FBXW8: variants seen among roughly 807,000 people sequenced by gnomAD.
The protein encoded by FBXW8 is F-box/WD repeat-containing protein 8.
Under a neutral mutation model 65.3 loss-of-function variants are expected in FBXW8, and 57 were observed. That is an observed-to-expected ratio of 0.87 (90% CI 0.71 to 1.09). The LOEUF (loss-of-function observed/expected upper bound fraction) is 1.09. Among genes scored for constraint, FBXW8 ranks in the 50% least tolerant of loss-of-function variants. The pLI, the probability that FBXW8 is intolerant of heterozygous loss-of-function variation, is 0.00. For missense variants in FBXW8, 777 were observed against 814.8 expected (o/e 0.95, Z 0.57); for synonymous variants, 308 against 330.2 (o/e 0.93, Z 0.73).
chr12:116,971,856 G>A (rs1446613257), intron 5 of FBXW8, among the ~76,000 whole-genome samples: 1 of 152,152 alleles, frequency 6.6e-6, no homozygotes, highest in Non-Finnish European at 1.5e-5. Context: ...TATTGACCTT[G>A]TCATGAATTG....
At chr12:116,976,268 G>A (rs1315725537) in intron 5 of FBXW8, among the ~76,000 whole-genome samples, 1 of 151,938 alleles carries the variant, frequency 6.6e-6, no homozygotes, top group Non-Finnish European at 1.5e-5. Flanking sequence ...CCTGAGATTA[G>A]ATGGTACCCT....
Position 117,005,443 on chromosome 12 carries a change from A to C in FBXW8, c.1240-4880A>C, listed in dbSNP as rs763344661. ...GGAACCTTAGAGTTAGGAACCTTAGAGTTGAAACCTAGGAGAGTGTTACAA... is the reference window on the plus strand; with the variant it reads ...GGAACCTTAGAGTTAGGAACCTTAGCGTTGAAACCTAGGAGAGTGTTACAA... On this transcript the variant is annotated intron_variant, in intron 7 of 10. Coordinates refer to ENST00000652555, the MANE Select transcript of FBXW8 (RefSeq NM_153348.3). Among the ~76,000 whole-genome samples the C allele has an allele frequency of 5.6e-4, 85 of 152,304 alleles. 1 individual carries two copies. Among genetic ancestry groups the C allele is most frequent in the Middle Eastern group, 6.8e-3 (2 of 294 alleles).
chr12:116,915,670 G>T (rs1186238572), intron 1 of FBXW8, among the ~76,000 whole-genome samples: 1 of 79,056 alleles, frequency 1.3e-5, no homozygotes, highest in Non-Finnish European at 2.3e-5. Flanking sequence ...TTTTTTTTTG[G>T]GAGATAGAGT....
chr12:117,027,533 A>G (rs755236487), intron 10 of FBXW8, 29 bp downstream of exon 10: 1 of 1,570,342 alleles, frequency 6.4e-7, no homozygotes, highest in Non-Finnish European at 8.8e-7. Flanking sequence ...CGAGTAAGAG[A>G]CCATCTTAGT....
chr12:116,944,417 GTC>G (rs1284557834), intron 2 of FBXW8, among the ~76,000 whole-genome samples: 1 of 151,996 alleles, frequency 6.6e-6, no homozygotes, highest in East Asian at 1.9e-4. Flanking sequence ...CCTTCTTTCC[GTC>G]TCTGTCTTTG....
intron 2 of FBXW8, among the ~76,000 whole-genome samples, chr12:116,932,951 C>T (rs1881887065): frequency 6.6e-6 from 1 of 152,026 alleles, no homozygotes; most frequent in Non-Finnish European, 1.5e-5. Flanking sequence ...GGGGCATTGG[C>T]AGATATTTTT....
chr12:116,927,897 C>T, intron 1 of FBXW8, 126 bp from the exon 2 acceptor site: 1 of 616,754 alleles, frequency 1.6e-6, no homozygotes, highest in Non-Finnish European at 2.9e-6. Flanking sequence ...TGCCTCCCTC[C>T]TGGGAAACAG....
In FBXW8 at chr12:116,916,627, G is replaced by C. The variant is rs78871682; in HGVS notation, c.318+5272G>C. Among the ~76,000 whole-genome samples the C allele has an allele frequency of 8.1e-3, 1,234 of 152,276 alleles. 54 individuals carry two copies. The South Asian group carries it at 0.1, about 13-fold the overall frequency. ...GAGAAAACCATCCAAGCTGGGCATG[G>C]TGGCACATGCCTGTACTCCCAGCTG... is the stretch of plus-strand genomic sequence containing the variant. On this transcript the variant is annotated intron_variant, in intron 1 of 10. Coordinates refer to ENST00000652555, the MANE Select transcript of FBXW8 (RefSeq NM_153348.3).
chr12:116,987,267 A>AGTTTGGCCTCTTTGGCG (rs1565928357), intron 6 of FBXW8: 1 of 152,332 alleles, frequency 6.6e-6, no homozygotes, highest in Non-Finnish European at 1.5e-5. Flanking sequence ...ACTCTTTGGC[A>AGTTTGGCCTCTTTGGCG]TATGGTCAGG....
rs752136364 is a variant in FBXW8, at chr12:116,985,207, G to T, written c.837G>T (p.Gly279=). ...SSLAVAAYED[G]FLNIWDLRTG... ...CCTGCATTGTTTCTTGCTGCATAGGGTTTCTTAATATTTGGGATTTAAGGA... is the reference window on the plus strand; with the variant it reads ...CCTGCATTGTTTCTTGCTGCATAGGTTTTCTTAATATTTGGGATTTAAGGA... The change falls in exon 6 of 11, where the codon GGG becomes GGT. Residue 279 remains glycine, a splice_region_variant and synonymous_variant. Coordinates refer to ENST00000652555, the MANE Select transcript of FBXW8 (RefSeq NM_153348.3). 7 of 1,597,730 alleles carry T rather than the reference G, an allele frequency of 4.4e-6. No individual in the cohort carries two copies. The highest frequency in any genetic ancestry group is 6.0e-6 in the Non-Finnish European group (7 of 1,173,836).
At chr12:116,991,760 G>T (rs1482342493) in intron 7 of FBXW8, among the ~76,000 whole-genome samples, 1 of 152,202 alleles carries the variant, frequency 6.6e-6, no homozygotes, top group East Asian at 1.9e-4. Flanking sequence ...GTCCATTATT[G>T]ATTAACTGTG....
At chr12:116,912,498 G>T (rs1490936437) in intron 1 of FBXW8, among the ~76,000 whole-genome samples, 1 of 128,750 alleles carries the variant, frequency 7.8e-6, no homozygotes, top group Non-Finnish European at 1.5e-5. Flanking sequence ...TCGCTCTGTC[G>T]CCCAGGCTGG....
chr12:117,018,534 G>C (rs1284442505), intron 8 of FBXW8, among the ~76,000 whole-genome samples: 2 of 152,240 alleles, frequency 1.3e-5, no homozygotes, highest in African/African-American at 4.8e-5. Context: ...GCAGATACCT[G>C]TTTCTTCATG....
intron 5 of FBXW8, among the ~76,000 whole-genome samples, chr12:116,970,726 A>G (rs891042817): frequency 3.4e-4 from 52 of 152,312 alleles, no homozygotes; most frequent in African/African-American, 1.2e-3. Flanking sequence ...TGCCCCCAAC[A>G]TTGAAGTTTT....
chr12:116,928,593 A>G (rs569601102), intron 2 of FBXW8, among the ~76,000 whole-genome samples: 2 of 152,284 alleles, frequency 1.3e-5, no homozygotes, highest in East Asian at 3.9e-4. Flanking sequence ...AAACTTTAGG[A>G]TCTCACTCAG....
At position 117,028,334 on chromosome 12, in the gene FBXW8, C is replaced by T. The variant is rs1954288671; in HGVS notation, c.*162C>T. ...CATCTCCCTGACCCCTGCACTTCCC[C>T]CAGCGCCTGGGGCAAGCTGGCGTGT... On this transcript the variant is annotated 3_prime_UTR_variant, in exon 11 of 11. Transcript: ENST00000652555. This position sits in a 1 kb window ranked among gnomAD's most constrained non-coding sequence, Gnocchi z 4.1. 5.8e-6 allele frequency: 5 copies of T among 861,422 alleles called. No homozygotes were observed. The highest frequency in any genetic ancestry group is 5.5e-5 in the Admixed American group (2 of 36,038). 53.4% of individuals were successfully genotyped at this position (861,422 alleles called of 1,614,324 possible).
intron 1 of FBXW8, among the ~76,000 whole-genome samples, chr12:116,917,940 C>T (rs745742286): frequency 2.8e-5 from 4 of 144,612 alleles, no homozygotes; most frequent in East Asian, 2.1e-4. Context: ...TGCAGTGAGC[C>T]GAGATTGCGC....
At chr12:116,999,787 C>G (rs892789719) in intron 7 of FBXW8, among the ~76,000 whole-genome samples, 4 of 152,164 alleles carry the variant, frequency 2.6e-5, no homozygotes, top group Non-Finnish European at 5.9e-5. Flanking sequence ...CCAGCCAGGC[C>G]AGCGCCATCC....
intron 5 of FBXW8, 167 bp from the exon 6 acceptor site, chr12:116,985,039 A>G (rs1885566915): frequency 3.7e-6 from 2 of 540,002 alleles, no homozygotes; most frequent in Non-Finnish European, 3.3e-6. Context: ...CCTTCAGGCC[A>G]TGTGCATCAG....
Sources: gnomAD v4.1 joint callset for allele counts (sites outside exome capture counted in the v4.1 genomes callset) on GRCh38, gnomAD v4.1.1 for gene constraint, Gnocchi (gnomAD v3.1) non-coding constraint, MANE v1.5 for transcripts, NCBI Gene and HGNC (gene_info 2026-07-23, HGNC 2026-07-21) for gene names.